ADGRL2: variants seen among roughly 807,000 people sequenced by gnomAD.
ADGRL2 encodes calcium-independent alpha-latrotoxin receptor 2.
A neutral mutation model predicts 157.4 loss-of-function variants in ADGRL2; 44 were observed. The observed-to-expected ratio is 0.28, with a 90% CI of 0.22 to 0.36. The LOEUF (loss-of-function observed/expected upper bound fraction) is 0.36, where lower values mean the gene tolerates loss of function less well. Among genes scored for constraint, ADGRL2 ranks in the 10% least tolerant of loss-of-function variants. ADGRL2 has a pLI of 1.00. For missense variants in ADGRL2, 1,510 were observed against 1,768.9 expected (o/e 0.85, Z 2.63); for synonymous variants, 585 against 624.7 (o/e 0.94, Z 0.95).
chr1:81,463,739 A>G (rs2077990875), intron 2 of ADGRL2, among the ~76,000 whole-genome samples: 3 of 152,174 alleles, frequency 2.0e-5, no homozygotes, highest in Admixed American at 1.3e-4. Context: ...GCCCTCAACT[A>G]CTTACTTCAC....
intron 5 of ADGRL2, 45 bp from the exon 6 acceptor site, chr1:81,942,924 A>G (rs1462187073): frequency 2.0e-6 from 3 of 1,468,126 alleles, no homozygotes; most frequent in Admixed American, 3.7e-5. Flanking sequence ...TGCCTGTGTA[A>G]TTTTTTAACT....
At chr1:81,746,742 A>T (rs527277250) in intron 1 of ADGRL2, among the ~76,000 whole-genome samples, 2 of 152,060 alleles carry the variant, frequency 1.3e-5, no homozygotes, top group East Asian at 3.9e-4. Context: ...AAACAATATT[A>T]TTGGATTCTT....
chr1:81,319,440 A>G (rs1391736529), intron 1 of ADGRL2, among the ~76,000 whole-genome samples: 1 of 152,150 alleles, frequency 6.6e-6, no homozygotes, highest in Non-Finnish European at 1.5e-5. Flanking sequence ...ATCATAGATA[A>G]GAAAGGCTGT....
At chr1:81,431,177 T>C (rs917039316) in intron 1 of ADGRL2, among the ~76,000 whole-genome samples, 5 of 152,178 alleles carry the variant, frequency 3.3e-5, no homozygotes, top group African/African-American at 1.2e-4. Context: ...CCAAGGGATA[T>C]CCGTGTTTGC....
chr1:81,599,503 TG>T (rs2081297046), intron 3 of ADGRL2, among the ~76,000 whole-genome samples: 1 of 152,158 alleles, frequency 6.6e-6, no homozygotes, highest in Non-Finnish European at 1.5e-5. Flanking sequence ...AAAAGGAGTG[TG>T]TAGATGTTGT....
intron 2 of ADGRL2, among the ~76,000 whole-genome samples, chr1:81,524,353 G>A (rs112979057): frequency 0.024 from 3,660 of 152,242 alleles, 144 homozygotes; most frequent in African/African-American, 0.082. Flanking sequence ...GCAACAGAGC[G>A]AGACTCCGTC....
intron 2 of ADGRL2, among the ~76,000 whole-genome samples, chr1:81,847,640 T>A (rs2092842378): frequency 6.6e-6 from 1 of 151,910 alleles, no homozygotes; most frequent in African/African-American, 2.4e-5. Flanking sequence ...TGACCTTTTA[T>A]GTGGTGAGTT....
intron 3 of ADGRL2, among the ~76,000 whole-genome samples, chr1:81,581,563 AC>A (rs1392236283): frequency 6.6e-6 from 1 of 152,200 alleles, no homozygotes; most frequent in East Asian, 1.9e-4. Context: ...CTAAAGAATA[AC>A]GTTTATAATT....
At chr1:81,341,771 T>C (rs1319654706) in intron 1 of ADGRL2, among the ~76,000 whole-genome samples, 2 of 152,158 alleles carry the variant, frequency 1.3e-5, no homozygotes, top group African/African-American at 4.8e-5. Flanking sequence ...ATGATGTACC[T>C]GCCTGCTAAA....
intron 1 of ADGRL2, among the ~76,000 whole-genome samples, chr1:81,823,169 A>T (rs1463600109): frequency 6.6e-6 from 1 of 151,904 alleles, no homozygotes; most frequent in Non-Finnish European, 1.5e-5. Context: ...ACAAGCAAAG[A>T]TGAAAGTTTC....
chr1:81,755,490 G>A (rs1571087339), intron 1 of ADGRL2, among the ~76,000 whole-genome samples: 1 of 151,974 alleles, frequency 6.6e-6, no homozygotes, highest in East Asian at 1.9e-4. Context: ...TTTTCCAGAT[G>A]GAGAAGAGGG....
intron 3 of ADGRL2, among the ~76,000 whole-genome samples, chr1:81,625,058 A>G (rs1195286072): frequency 1.3e-5 from 2 of 152,172 alleles, no homozygotes; most frequent in African/African-American, 4.8e-5. Context: ...ATAATATACA[A>G]TTAATCCCAA....
intron 3 of ADGRL2, among the ~76,000 whole-genome samples, chr1:81,593,594 C>A (rs1337459603): frequency 6.6e-6 from 1 of 152,140 alleles, no homozygotes; most frequent in Non-Finnish European, 1.5e-5. Flanking sequence ...GCTTTTTCAG[C>A]GTACCTTAAT....
chr1:81,695,088 T>A (rs1308759262), upstream of ADGRL2, among the ~76,000 whole-genome samples: 1 of 152,100 alleles, frequency 6.6e-6, no homozygotes, highest in Non-Finnish European at 1.5e-5. Context: ...GTTATTCCTA[T>A]AAAATTCAGA....
intron 2 of ADGRL2, among the ~76,000 whole-genome samples, chr1:81,483,473 G>A (rs1240737066): frequency 6.6e-6 from 1 of 152,102 alleles, no homozygotes; most frequent in Admixed American, 6.5e-5. Flanking sequence ...GTATAGATGA[G>A]CTAATTCTTA....
chr1:81,822,446 C>G (rs1451594163), intron 1 of ADGRL2, among the ~76,000 whole-genome samples: 1 of 151,180 alleles, frequency 6.6e-6, no homozygotes, highest in Non-Finnish European at 1.5e-5. Flanking sequence ...TTTTAGTGTA[C>G]TTTGAAAATG....
At chr1:81,309,423 G>A (rs1389303529) in intron 1 of ADGRL2, among the ~76,000 whole-genome samples, 1 of 152,086 alleles carries the variant, frequency 6.6e-6, no homozygotes, top group African/African-American at 2.4e-5. Flanking sequence ...CCACACAGTT[G>A]GGACAGAACT....
intron 1 of ADGRL2, among the ~76,000 whole-genome samples, chr1:81,704,159 G>C (rs908552342): frequency 3.3e-5 from 5 of 152,162 alleles, no homozygotes; most frequent in African/African-American, 1.2e-4. Context: ...CATACCACCT[G>C]GGTGAAACAC....
intron 2 of ADGRL2, among the ~76,000 whole-genome samples, chr1:81,501,116 G>A (rs957902178): frequency 6.6e-6 from 1 of 152,076 alleles, no homozygotes; most frequent in African/African-American, 2.4e-5. Flanking sequence ...TAACTCGCAG[G>A]GGCAAAATTA....
Sources: gnomAD v4.1 joint callset for allele counts (sites outside exome capture counted in the v4.1 genomes callset) on GRCh38, gnomAD v4.1.1 for gene constraint, MANE v1.5 for transcripts, NCBI Gene and HGNC (gene_info 2026-07-23, HGNC 2026-07-21) for gene names.